PHACTR1: variants seen among roughly 807,000 people sequenced by gnomAD.
PHACTR1 encodes the protein RPEL repeat containing 1.
PHACTR1 carries 16 observed loss-of-function variants against 69.2 expected under a neutral mutation model. The observed-to-expected ratio is 0.23, with a 90% CI of 0.16 to 0.35. The LOEUF (loss-of-function observed/expected upper bound fraction) is 0.35. Among genes scored for constraint, PHACTR1 ranks in the 10% least tolerant of loss-of-function variants. The probability of loss-of-function intolerance (pLI) is 1.00; values close to 1 mark genes in which losing one functional copy is unlikely to be tolerated. For missense variants in PHACTR1, 510 were observed against 734.7 expected (o/e 0.69, Z 3.54); for synonymous variants, 312 against 284.5 (o/e 1.10, Z -0.97).
intron 4 of PHACTR1, among the ~76,000 whole-genome samples, chr6:12,843,288 C>T (rs149488160): frequency 1.3e-5 from 2 of 152,294 alleles, no homozygotes; most frequent in East Asian, 3.9e-4. Flanking sequence ...ACTGTCTAGT[C>T]TTTTGGTTCA....
chr6:13,225,897 G>A (rs561138871), intron 8 of PHACTR1, among the ~76,000 whole-genome samples: 1 of 152,160 alleles, frequency 6.6e-6, no homozygotes. Flanking sequence ...AAATCCAAGC[G>A]CAGTTGGAAT....
chr6:12,749,868 C>T (rs1766359082), intron 4 of PHACTR1, 78 bp downstream of exon 4: 1 of 1,346,816 alleles, frequency 7.4e-7, no homozygotes, highest in Non-Finnish European at 9.8e-7. Context: ...CCGCCCCTCC[C>T]GGGCGTCCTC....
At chr6:12,850,776 G>C (rs1437724944) in intron 4 of PHACTR1, among the ~76,000 whole-genome samples, 2 of 152,134 alleles carry the variant, frequency 1.3e-5, no homozygotes, top group Admixed American at 1.3e-4. Context: ...TTACATGGCT[G>C]TCTTTTCCCT....
At position 12,841,886 on chromosome 6, in the gene PHACTR1, T is replaced by C. The variant is rs368655909; in HGVS notation, c.250+92096T>C. Among the ~76,000 whole-genome samples, 22 of 152,302 alleles carry C rather than the reference T, an allele frequency of 1.4e-4. No individual in the cohort carries two copies. The South Asian group carries it at 4.1e-3, about 29-fold the overall frequency. ...TGATATTATCATTTAATTAAGCAGC[T>C]TATTTCAGTTGTCCAAGGGCTTCTT... On this transcript the variant is annotated intron_variant, in intron 4 of 14. Coordinates refer to ENST00000332995, the MANE Select transcript of PHACTR1 (RefSeq NM_030948.6).
At chr6:13,124,782 T>C (rs1819267741) in intron 5 of PHACTR1, among the ~76,000 whole-genome samples, 1 of 152,222 alleles carries the variant, frequency 6.6e-6, no homozygotes, top group Admixed American at 6.5e-5. Context: ...CTTCTCACTG[T>C]GTGCTCACGT....
At chr6:13,244,994 A>G (rs1321949259) in intron 10 of PHACTR1, among the ~76,000 whole-genome samples, 3 of 152,204 alleles carry the variant, frequency 2.0e-5, no homozygotes, top group Non-Finnish European at 4.4e-5. Flanking sequence ...AATTTGGGGA[A>G]CTAATAAATG....
intron 4 of PHACTR1, among the ~76,000 whole-genome samples, chr6:12,862,442 C>G (rs747114848): frequency 6.6e-6 from 1 of 152,150 alleles, no homozygotes; most frequent in Non-Finnish European, 1.5e-5. Flanking sequence ...AAGGAGGAAA[C>G]ACACCTCTAC....
In PHACTR1 at chr6:13,246,538, CA is replaced by C. The variant is rs1350872006; in HGVS notation, c.1391+16348del. Among the ~76,000 whole-genome samples the C allele has an allele frequency of 6.6e-6, 1 of 152,220 alleles. No individual in the cohort carries two copies. The highest frequency in any genetic ancestry group is 2.4e-5 in the African/African-American group (1 of 41,468). ...AGTTGGCCTATTCTTGTGATTCTTT[CA>C]AATGATAAGTGAAACTCTAATCATG... On this transcript the variant is annotated intron_variant, in intron 10 of 14. Coordinates refer to ENST00000332995, the MANE Select transcript of PHACTR1 (RefSeq NM_030948.6). This position sits in a 1 kb window ranked among gnomAD's most constrained non-coding sequence, Gnocchi z 4.2.
rs1815016455 is a variant in PHACTR1, at chr6:13,100,698, G to A, written c.415+47169G>A. On this transcript the variant is annotated intron_variant, in intron 5 of 14. Transcript: ENST00000332995. ...TATTAACTTTAGGAAATCCTCTGTG[G>A]AGTTGAATTAATCAATCAACAAGCA... Among the ~76,000 whole-genome samples, 6 of 152,142 alleles carry A rather than the reference G, an allele frequency of 3.9e-5. No homozygotes were observed. The South Asian group carries it at 1.2e-3, about 31-fold the overall frequency.
chr6:12,743,030 G>A lies in PHACTR1; in HGVS notation c.104-6614G>A, dbSNP rs548899561. Among the ~76,000 whole-genome samples the A allele has an allele frequency of 1.1e-4, 16 of 152,234 alleles. No homozygotes were observed. The South Asian group carries it at 3.3e-3, about 32-fold the overall frequency. ...ACTGGGCAATTGTTGGAACCAACCT[G>A]ATATGGAGTCACTAGCTGATTCCAA... is the stretch of plus-strand genomic sequence containing the variant. On this transcript the variant is annotated intron_variant, in intron 3 of 14. Coordinates refer to ENST00000332995, the MANE Select transcript of PHACTR1 (RefSeq NM_030948.6).
At chr6:13,010,829 A>T (rs1799370758) in intron 4 of PHACTR1, among the ~76,000 whole-genome samples, 1 of 151,786 alleles carries the variant, frequency 6.6e-6, no homozygotes, top group Admixed American at 6.6e-5. Flanking sequence ...AAAAAAAAAA[A>T]GCTACAAGGA....
At chr6:12,840,618 C>T (rs983214715) in intron 4 of PHACTR1, among the ~76,000 whole-genome samples, 1 of 152,094 alleles carries the variant, frequency 6.6e-6, no homozygotes, top group Non-Finnish European at 1.5e-5. Flanking sequence ...CTTTCTGGGA[C>T]CTTATGATGC....
intron 4 of PHACTR1, among the ~76,000 whole-genome samples, chr6:12,831,351 C>T (rs892955815): frequency 6.6e-6 from 1 of 152,178 alleles, no homozygotes; most frequent in Non-Finnish European, 1.5e-5. Context: ...TGAGAAAAAT[C>T]ATCCAGACAA....
At chr6:13,233,189 A>G (rs909181639) in intron 10 of PHACTR1, among the ~76,000 whole-genome samples, 2 of 152,180 alleles carry the variant, frequency 1.3e-5, no homozygotes, top group South Asian at 2.1e-4. Context: ...ATACATATCC[A>G]CAAGCCACCA....
chr6:12,990,900 A>G (rs1270279855), intron 4 of PHACTR1, among the ~76,000 whole-genome samples: 2 of 152,132 alleles, frequency 1.3e-5, no homozygotes, highest in African/African-American at 4.8e-5. Flanking sequence ...AAGTTAAGCC[A>G]CATCTATCTA....
chr6:13,039,005 C>G (rs979980891), intron 4 of PHACTR1, among the ~76,000 whole-genome samples: 1 of 152,190 alleles, frequency 6.6e-6, no homozygotes, highest in Non-Finnish European at 1.5e-5. Context: ...CACTTTAGTT[C>G]ATATCTCATT....
chr6:13,133,567 G>A (rs1181494603), intron 5 of PHACTR1, among the ~76,000 whole-genome samples: 1 of 152,136 alleles, frequency 6.6e-6, no homozygotes, highest in Non-Finnish European at 1.5e-5. Flanking sequence ...GAGGTGCCGG[G>A]ATTGCAGACG....
rs2127881808 is a variant in PHACTR1, at chr6:13,106,153, A to G, written c.415+52624A>G. On this transcript the variant is annotated intron_variant, in intron 5 of 14. Transcript: ENST00000332995. ...GGCCTGATAATTTAAAAGGTCTCACATTCCTCAGATAAAAGTTCTTTTCTT... is the reference window on the plus strand; with the variant it reads ...GGCCTGATAATTTAAAAGGTCTCACGTTCCTCAGATAAAAGTTCTTTTCTT... Among the ~76,000 whole-genome samples, 2 of 152,340 alleles carry G rather than the reference A, an allele frequency of 1.3e-5. 1 individual carries two copies. Among genetic ancestry groups the G allele is most frequent in the Non-Finnish European group, 2.9e-5 (2 of 68,034 alleles).
At chr6:13,081,428 G>A (rs367647311) in intron 5 of PHACTR1, among the ~76,000 whole-genome samples, 87 of 152,292 alleles carry the variant, frequency 5.7e-4, no homozygotes, top group African/African-American at 2.0e-3. Flanking sequence ...GACGCAACAT[G>A]TATCTGTTCT....
Sources: gnomAD v4.1 joint callset for allele counts (sites outside exome capture counted in the v4.1 genomes callset) on GRCh38, gnomAD v4.1.1 for gene constraint, Gnocchi (gnomAD v3.1) non-coding constraint, MANE v1.5 for transcripts, NCBI Gene and HGNC (gene_info 2026-07-23, HGNC 2026-07-21) for gene names.